Variants in ASTN2 observed in about 807,000 individuals in gnomAD.
The protein encoded by ASTN2 is astrotactin-2.
In ASTN2, 54 loss-of-function variants were observed where a neutral mutation model predicts 139.8. That is an observed-to-expected ratio of 0.39 (90% CI 0.31 to 0.48). The LOEUF (loss-of-function observed/expected upper bound fraction) is 0.48, where lower values mean the gene tolerates loss of function less well. ASTN2 is among the 20% of genes least tolerant of loss of function. The pLI, the probability that ASTN2 is intolerant of heterozygous loss-of-function variation, is 0.95. For synonymous variants in ASTN2, 756 were observed against 719.5 expected, an observed-to-expected ratio of 1.05 and a Z score of -0.81; for missense variants, 1,565 against 1,725.1, an observed-to-expected ratio of 0.91 and a Z score of 1.64.
chr9:117,151,674 T>C (rs2065614), intron 3 of ASTN2, among the ~76,000 whole-genome samples: 150,761 of 152,224 alleles, frequency 0.99, 74,675 homozygotes, highest in East Asian at 1. Flanking sequence ...ATGTGGAACT[T>C]GGGAAAGATG....
rs188671640 is a variant in ASTN2, at chr9:117,285,479, C to T, written c.630+5847G>A. Among the ~76,000 whole-genome samples, 24 of 152,090 alleles carry T rather than the reference C, an allele frequency of 1.6e-4. No individual in the cohort carries two copies. The East Asian group carries it at 4.1e-3, about 26-fold the overall frequency. ...CAGAAACCTTTAAAAAGTGTTATCC[C>T]AATATCACACCGATCCTCTAAACAA... On this transcript the variant is annotated intron_variant, in intron 2 of 22. Coordinates refer to ENST00000313400, the MANE Select transcript of ASTN2 (RefSeq NM_001365068.1).
At chr9:116,927,493 C>A (rs1320950547) in intron 10 of ASTN2, among the ~76,000 whole-genome samples, 1 of 152,172 alleles carries the variant, frequency 6.6e-6, no homozygotes, top group Non-Finnish European at 1.5e-5. Flanking sequence ...CTGGTAACTC[C>A]CTTATGTAAC....
At chr9:117,122,284 T>C (rs1465673229) in intron 4 of ASTN2, among the ~76,000 whole-genome samples, 1 of 152,174 alleles carries the variant, frequency 6.6e-6, no homozygotes, top group Admixed American at 6.5e-5. Flanking sequence ...CTGAGTCATG[T>C]GGTAGAGTAT....
At chr9:116,884,809 C>CA (rs1554756746) in intron 10 of ASTN2, among the ~76,000 whole-genome samples, 2 of 122,296 alleles carry the variant, frequency 1.6e-5, no homozygotes, top group African/African-American at 6.3e-5. Context: ...ATCCGCCCCC[C>CA]CCCCACCCAC....
At chr9:116,991,105 G>A (rs1381020826) in intron 7 of ASTN2, among the ~76,000 whole-genome samples, 1 of 152,116 alleles carries the variant, frequency 6.6e-6, no homozygotes, top group Non-Finnish European at 1.5e-5. Context: ...CAACATCGTA[G>A]CCAAAAGGCA....
intron 16 of ASTN2, among the ~76,000 whole-genome samples, chr9:116,656,932 T>C (rs943536570): frequency 6.6e-6 from 1 of 152,210 alleles, no homozygotes; most frequent in Middle Eastern, 3.2e-3. Context: ...TTGAAGCATT[T>C]AAAAGCTCCA....
chr9:117,121,259 C>G (rs1164538146), intron 4 of ASTN2, among the ~76,000 whole-genome samples: 2 of 152,034 alleles, frequency 1.3e-5, no homozygotes, highest in African/African-American at 2.4e-5. Context: ...GCTAGAGGAA[C>G]AAGAAAGGAA....
intron 4 of ASTN2, among the ~76,000 whole-genome samples, chr9:117,129,732 T>C (rs553383144): frequency 6.6e-6 from 1 of 152,258 alleles, no homozygotes. Flanking sequence ...TTTGAAACCA[T>C]GTTGTTCCTA....
At chr9:117,136,532 C>A (rs1028354123) in intron 4 of ASTN2, among the ~76,000 whole-genome samples, 1 of 151,908 alleles carries the variant, frequency 6.6e-6, no homozygotes. Flanking sequence ...CTCAAGAGGC[C>A]CCCAGTGCAA....
At chr9:117,277,089 C>T (rs1834210915) in intron 2 of ASTN2, 2 of 152,204 alleles carry the variant, frequency 1.3e-5, no homozygotes, top group Admixed American at 1.3e-4. Flanking sequence ...CCCCTCACTG[C>T]TCTATGTGTG....
At chr9:116,565,425 ATATATTTATT>A (rs1853177078) in intron 19 of ASTN2, among the ~76,000 whole-genome samples, 1 of 85,822 alleles carries the variant, frequency 1.2e-5, no homozygotes, top group African/African-American at 4.5e-5. Context: ...ATATATATAT[ATATATTTATT>A]TATTTATTTT....
At chr9:116,450,105 T>G (rs967312651) in intron 20 of ASTN2, among the ~76,000 whole-genome samples, 1 of 152,184 alleles carries the variant, frequency 6.6e-6, no homozygotes, top group African/African-American at 2.4e-5. Flanking sequence ...CTAACAAGCA[T>G]TGCAAGCAGG....
rs1270257972 is a variant in ASTN2, at chr9:116,820,764, G to T, written c.2060C>A (p.Pro687His). The T allele has an allele frequency of 1.2e-6, 2 of 1,613,858 alleles. No homozygotes were observed. Among genetic ancestry groups the T allele is most frequent in the East Asian group, 2.2e-5 (1 of 44,882 alleles). Reference sequence around the variant, plus strand: ...GTAGCAGCCAGAGCCATCCTTCATGGGTTTCAGCTCCTCAGGGCACTGCTC... The same window carrying T: ...GTAGCAGCCAGAGCCATCCTTCATGTGTTTCAGCTCCTCAGGGCACTGCTC... Reference protein sequence around the residue: ...SGCVCPEELKPMKDGSGCYDH... With the variant: ...SGCVCPEELKHMKDGSGCYDH... The change falls in exon 12 of 23, where the codon CCC (proline) becomes CAC (histidine). Residue 687 changes from proline (P) to histidine (H), a missense_variant. This residue lies in a region of ASTN2 where 503 missense variants were observed against 591.7 expected (regional missense o/e 0.85). Transcript: ENST00000313400.
At chr9:116,783,752 G>A (rs12216882) in intron 13 of ASTN2, among the ~76,000 whole-genome samples, 33,977 of 151,878 alleles carry the variant, frequency 0.22, 4,525 homozygotes, top group Middle Eastern at 0.37. Context: ...CGAAATATAG[G>A]GCAGTACAGG....
At chr9:116,768,012 G>GAAAAC (rs1829854609) in intron 13 of ASTN2, among the ~76,000 whole-genome samples, 1 of 152,006 alleles carries the variant, frequency 6.6e-6, no homozygotes, top group Non-Finnish European at 1.5e-5. Flanking sequence ...CATTGAAGAT[G>GAAAAC]AAAACAAAAC....
chr9:117,406,857 A>AACACACACACACAC, intron 1 of ASTN2, among the ~76,000 whole-genome samples: 1 of 144,342 alleles, frequency 6.9e-6, no homozygotes, highest in East Asian at 2.1e-4. Context: ...ATTGTCCCCT[A>AACACACACACACAC]ACACACACAC....
At chr9:117,036,792 G>A (rs913068933) in intron 6 of ASTN2, among the ~76,000 whole-genome samples, 18 of 152,064 alleles carry the variant, frequency 1.2e-4, no homozygotes, top group East Asian at 1.2e-3. Flanking sequence ...TGATAGATAC[G>A]GGTGCTTTCC....
Position 117,341,478 on chromosome 9 carries a change from A to T in ASTN2, c.443-49965T>A, listed in dbSNP as rs575172117. Among the ~76,000 whole-genome samples the T allele has an allele frequency of 3.9e-5, 6 of 152,248 alleles. No homozygotes were observed. In the South Asian group the frequency reaches 8.3e-4, roughly 21 times the overall value. ...AAAGAAGGAGAAAGGGATAATAATA[A>T]TTTTTTGAAAAATCATAAAGTAGCA... On this transcript the variant is annotated intron_variant, in intron 1 of 22. Transcript: ENST00000313400.
At chr9:116,814,676 C>T (rs1383213138) in intron 12 of ASTN2, among the ~76,000 whole-genome samples, 4 of 152,130 alleles carry the variant, frequency 2.6e-5, no homozygotes, top group Non-Finnish European at 1.5e-5. Context: ...TATGTTTCTC[C>T]ACTGCATGAT....
Sources: gnomAD v4.1 joint callset for allele counts (sites outside exome capture counted in the v4.1 genomes callset) on GRCh38, gnomAD v4.1.1 for gene constraint, gnomAD v4.1.1 regional missense constraint, MANE v1.5 for transcripts, NCBI Gene and HGNC (gene_info 2026-07-23, HGNC 2026-07-21) for gene names.